The following SLC5A4 variants were observed in gnomAD, a reference collection of about 807,000 sequenced individuals.
SLC5A4 encodes the protein probable glucose sensor protein SLC5A4.
In SLC5A4, 55 loss-of-function variants were observed where a neutral mutation model predicts 70.3. The ratio of observed to expected loss-of-function variants is 0.78; its 90% CI spans 0.63 to 0.98. SLC5A4 has a LOEUF of 0.98. SLC5A4 is among the 50% of genes least tolerant of loss of function. The pLI is 0.00. For missense variants in SLC5A4, 735 were observed against 839.2 expected (o/e 0.88, Z 1.53); for synonymous variants, 268 against 305.7 (o/e 0.88, Z 1.29).
the SLC5A4 span, among the ~76,000 whole-genome samples, chr22:32,327,727 A>C: frequency 0.12 from 17,343 of 140,624 alleles, 1,331 homozygotes; most frequent in Non-Finnish European, 0.18. Flanking sequence ...GACAGGGTCC[A>C]ATGTGCACGG....
the SLC5A4 span, among the ~76,000 whole-genome samples, chr22:32,340,332 G>A: frequency 6.6e-6 from 1 of 152,210 alleles, no homozygotes; most frequent in South Asian, 2.1e-4. Flanking sequence ...TGTGCACAAG[G>A]CACTGGGCAG....
intron 5 of SLC5A4, among the ~76,000 whole-genome samples, chr22:32,244,681 C>T (rs1926720704): frequency 6.6e-6 from 1 of 152,054 alleles, no homozygotes; most frequent in Admixed American, 6.6e-5. Context: ...ATGTGTGCCC[C>T]CATACCTGGC....
the SLC5A4 span, among the ~76,000 whole-genome samples, chr22:32,348,348 T>C: frequency 1.1e-4 from 16 of 152,302 alleles, no homozygotes; most frequent in African/African-American, 3.8e-4. Context: ...CCTGTGTGTA[T>C]CCATCTCATT....
chr22:32,267,544 T>A, the SLC5A4 span, among the ~76,000 whole-genome samples: 1 of 152,206 alleles, frequency 6.6e-6, no homozygotes, highest in African/African-American at 2.4e-5. Context: ...AGTGGCACGA[T>A]CATAGCTCAC....
chr22:32,352,029 A>G, the SLC5A4 span, among the ~76,000 whole-genome samples: 5 of 152,158 alleles, frequency 3.3e-5, no homozygotes, highest in African/African-American at 1.2e-4. Context: ...CTGATTCATG[A>G]AATTTAAAAA....
the SLC5A4 span, among the ~76,000 whole-genome samples, chr22:32,336,131 G>C: frequency 2.6e-5 from 4 of 151,856 alleles, no homozygotes; most frequent in East Asian, 7.7e-4. Context: ...TGGGAGCTGG[G>C]CCCATTAAGG....
chr22:32,294,680 A>G, the SLC5A4 span, among the ~76,000 whole-genome samples: 2 of 86,210 alleles, frequency 2.3e-5, no homozygotes, highest in African/African-American at 8.7e-5. Context: ...TCTTTTTATT[A>G]TACTTTAAGT....
chr22:32,310,831 C>T, the SLC5A4 span, among the ~76,000 whole-genome samples: 1 of 152,236 alleles, frequency 6.6e-6, no homozygotes, highest in Non-Finnish European at 1.5e-5. Context: ...GCTTTATGCC[C>T]TAGCAAGTTT....
At chr22:32,330,454 G>GGT in the SLC5A4 span, among the ~76,000 whole-genome samples, 11,486 of 84,372 alleles carry the variant, frequency 0.14, 1,153 homozygotes, top group East Asian at 0.23. Flanking sequence ...GAGGCTCTGG[G>GGT]GTGTGTGTGT....
At chr22:32,269,179 C>T in the SLC5A4 span, among the ~76,000 whole-genome samples, 33 of 152,322 alleles carry the variant, frequency 2.2e-4, no homozygotes, top group Middle Eastern at 3.4e-3. The surrounding 1 kb of genome is among the most constrained non-coding windows in gnomAD (Gnocchi z 4.1). Context: ...GCGTGAGCCA[C>T]CACGAGCGGC....
At chr22:32,334,105 T>C in the SLC5A4 span, among the ~76,000 whole-genome samples, 1 of 144,092 alleles carries the variant, frequency 6.9e-6, no homozygotes, top group African/African-American at 2.6e-5. Context: ...ACACATCACA[T>C]AGACCCACAC....
chr22:32,306,590 CAG>C, the SLC5A4 span, among the ~76,000 whole-genome samples: 63 of 152,274 alleles, frequency 4.1e-4, 1 homozygote, highest in Admixed American at 7.8e-4. Context: ...TATCAGCTCT[CAG>C]AGAGACCCCA....
chr22:32,337,879 TAAG>T, the SLC5A4 span, among the ~76,000 whole-genome samples: 1 of 151,806 alleles, frequency 6.6e-6, no homozygotes, highest in Non-Finnish European at 1.5e-5. Flanking sequence ...GCAAAAGAAC[TAAG>T]AAGTGATACA....
rs771041204 is a variant in SLC5A4 at position 32,247,396 on chromosome 22, AG to A, written c.477+14del. 2 of 1,533,028 alleles carry A rather than the reference AG, an allele frequency of 1.3e-6. No individual in the cohort carries two copies. Among genetic ancestry groups the A allele is most frequent in the South Asian group, 2.2e-5 (2 of 89,422 alleles). The allele number at this position is 1,533,028 out of a possible 1,614,324, so 95.0% of individuals were successfully genotyped here. ...AACCTCTTGAAGCTAAAATGCCAGGAGGCTCTGAACTCACAGAAATTAACAA... is the reference window on the plus strand; with the variant it reads ...AACCTCTTGAAGCTAAAATGCCAGGAGCTCTGAACTCACAGAAATTAACAA... On this transcript the variant is annotated intron_variant, in intron 5 of 14. Coordinates refer to ENST00000266086, the MANE Select transcript of SLC5A4 (RefSeq NM_014227.3).
At chr22:32,249,473 G>T (rs1337388277) in intron 3 of SLC5A4, among the ~76,000 whole-genome samples, 2 of 152,098 alleles carry the variant, frequency 1.3e-5, no homozygotes. Context: ...TGGTGTCCAT[G>T]GCACTATTAA....
chr22:32,269,049 C>T, the SLC5A4 span, among the ~76,000 whole-genome samples: 4 of 152,084 alleles, frequency 2.6e-5, no homozygotes, highest in African/African-American at 9.7e-5. The surrounding 1 kb of genome is among the most constrained non-coding windows in gnomAD (Gnocchi z 4.1). Context: ...CATGCCACCA[C>T]ACCGGGCTAA....
chr22:32,348,990 T>G, the SLC5A4 span, among the ~76,000 whole-genome samples: 7 of 152,192 alleles, frequency 4.6e-5, no homozygotes, highest in South Asian at 2.1e-4. Flanking sequence ...TGTTGTTGTT[T>G]TTTTAAGACA....
the SLC5A4 span, among the ~76,000 whole-genome samples, chr22:32,288,522 T>C: frequency 6.6e-6 from 1 of 152,244 alleles, no homozygotes; most frequent in South Asian, 2.1e-4. Flanking sequence ...TGAGATAACA[T>C]ATTGCTTTCT....
the SLC5A4 span, among the ~76,000 whole-genome samples, chr22:32,330,941 T>TG: frequency 3.3e-3 from 46 of 13,968 alleles, 2 homozygotes; most frequent in Non-Finnish European, 4.3e-3. Context: ...GTGTATGTGT[T>TG]GGAGGCTCTG....
Sources: allele counts gnomAD v4.1 joint callset (sites outside exome capture counted in the v4.1 genomes callset), GRCh38; gene constraint gnomAD v4.1.1; non-coding constraint Gnocchi (gnomAD v3.1); transcripts MANE v1.5; gene names NCBI Gene and HGNC (gene_info 2026-07-23, HGNC 2026-07-21).